The following RIT2 variants were observed in gnomAD, a reference collection of about 807,000 sequenced individuals.
The protein encoded by RIT2 is GTP-binding protein Rit2.
In RIT2, 24 loss-of-function variants were observed where a neutral mutation model predicts 23.7. The ratio of observed to expected loss-of-function variants is 1.01; its 90% CI spans 0.73 to 1.43. The LOEUF is 1.43. RIT2 is among the 40% of genes most tolerant of loss of function. RIT2 has a pLI of 0.00. For missense variants in RIT2, 236 were observed against 266.9 expected (o/e 0.88, Z 0.81); for synonymous variants, 107 against 91.1 (o/e 1.17, Z -0.99).
chr18:42,871,061 T>G (rs1907611060), intron 4 of RIT2, among the ~76,000 whole-genome samples: 1 of 152,220 alleles, frequency 6.6e-6, no homozygotes, highest in African/African-American at 2.4e-5. Flanking sequence ...ACCTACATCG[T>G]GCACTGGGCC....
At chr18:42,877,873 G>T (rs1422909956) in intron 4 of RIT2, among the ~76,000 whole-genome samples, 1 of 151,652 alleles carries the variant, frequency 6.6e-6, no homozygotes, top group Non-Finnish European at 1.5e-5. Flanking sequence ...ATAAATTTTG[G>T]AAATGTATAT....
At chr18:42,809,541 A>C (rs897815210) in intron 4 of RIT2, among the ~76,000 whole-genome samples, 34 of 151,978 alleles carry the variant, frequency 2.2e-4, no homozygotes, top group African/African-American at 8.0e-4. Flanking sequence ...TTCCCATCTC[A>C]CCTGTATGAG....
At chr18:42,851,260 C>T (rs2144036333) in intron 4 of RIT2, among the ~76,000 whole-genome samples, 1 of 152,284 alleles carries the variant, frequency 6.6e-6, no homozygotes, top group South Asian at 2.1e-4. Flanking sequence ...GTGTGCTTAT[C>T]ATTTTAAATG....
chr18:42,867,161 C>A (rs559223450), intron 4 of RIT2, among the ~76,000 whole-genome samples: 10 of 152,192 alleles, frequency 6.6e-5, no homozygotes, highest in Admixed American at 2.0e-4. Context: ...GTCAACTCTA[C>A]TAACATGAGA....
At chr18:43,052,391 A>G (rs1912404431) in intron 1 of RIT2, among the ~76,000 whole-genome samples, 1 of 152,108 alleles carries the variant, frequency 6.6e-6, no homozygotes, top group African/African-American at 2.4e-5. Context: ...ATCCAAGGCA[A>G]TTTGTAGGAT....
chr18:42,913,304 A>T lies in RIT2; in HGVS notation c.426+10268T>A, dbSNP rs1014336883. On this transcript the variant is annotated intron_variant, in intron 4 of 4. Transcript: ENST00000326695. Reference sequence around the variant, plus strand: ...TTAGAAAAGAACATAAAAGAAACTCATGGGTACCTACGACTGACTAGGCAG... The same window carrying T: ...TTAGAAAAGAACATAAAAGAAACTCTTGGGTACCTACGACTGACTAGGCAG... 4.6e-5 allele frequency among the ~76,000 whole-genome samples: 7 copies of T among 151,960 alleles called. No individual in the cohort carries two copies. The South Asian group carries it at 1.5e-3, about 31-fold the overall frequency.
chr18:42,805,287 A>G (rs1169175046), intron 4 of RIT2, among the ~76,000 whole-genome samples: 6 of 152,326 alleles, frequency 3.9e-5, no homozygotes, highest in South Asian at 4.1e-4. Flanking sequence ...TTCAAATCTC[A>G]TTAATATCTG....
chr18:42,951,662 A>G (rs1568038228), intron 3 of RIT2, among the ~76,000 whole-genome samples: 2 of 152,126 alleles, frequency 1.3e-5, no homozygotes, highest in Admixed American at 1.3e-4. Context: ...AACCAATTGA[A>G]TTGAAATCAG....
At chr18:42,822,743 C>A (rs1906188198) in intron 4 of RIT2, among the ~76,000 whole-genome samples, 1 of 152,068 alleles carries the variant, frequency 6.6e-6, no homozygotes, top group Non-Finnish European at 1.5e-5. Flanking sequence ...GACACCATGT[C>A]TTTGAAACCA....
At chr18:43,077,938 C>A (rs55901120) in intron 1 of RIT2, among the ~76,000 whole-genome samples, 4,492 of 152,194 alleles carry the variant, frequency 0.03, 99 homozygotes, top group Non-Finnish European at 0.05. Context: ...ACTTCTCTTC[C>A]GCTAATTCAG....
intron 3 of RIT2, among the ~76,000 whole-genome samples, chr18:42,931,433 C>A (rs1909321950): frequency 6.6e-6 from 1 of 152,006 alleles, no homozygotes; most frequent in South Asian, 2.1e-4. Flanking sequence ...AGTTAATGTT[C>A]CTTATTTCAT....
intron 2 of RIT2, among the ~76,000 whole-genome samples, chr18:42,975,693 T>G (rs890094680): frequency 6.6e-6 from 1 of 152,092 alleles, no homozygotes; most frequent in Non-Finnish European, 1.5e-5. Flanking sequence ...GCCTGCCTTC[T>G]GAAAATCTTC....
chr18:42,822,424 G>T (rs938470235), intron 4 of RIT2, among the ~76,000 whole-genome samples: 1 of 152,048 alleles, frequency 6.6e-6, no homozygotes, highest in South Asian at 2.1e-4. Context: ...TGTTGGCGAC[G>T]GTTGATCATG....
chr18:43,063,905 T>G (rs531857406), intron 1 of RIT2, among the ~76,000 whole-genome samples: 10 of 152,288 alleles, frequency 6.6e-5, no homozygotes, highest in Admixed American at 1.3e-4. Context: ...CTCATCCAGA[T>G]GACAACTCCT....
intron 4 of RIT2, among the ~76,000 whole-genome samples, chr18:42,823,997 A>G (rs558974345): frequency 1.3e-5 from 2 of 152,234 alleles, no homozygotes; most frequent in Non-Finnish European, 2.9e-5. Flanking sequence ...ATCTTTTCAA[A>G]TGAAGACTTT....
intron 4 of RIT2, among the ~76,000 whole-genome samples, chr18:42,764,318 T>C (rs1275429479): frequency 6.6e-6 from 1 of 152,172 alleles, no homozygotes; most frequent in Non-Finnish European, 1.5e-5. Context: ...CTTAAATTTG[T>C]TTTTCTTTGC....
At chr18:42,834,573 A>G (rs530818789) in intron 4 of RIT2, among the ~76,000 whole-genome samples, 2 of 152,234 alleles carry the variant, frequency 1.3e-5, no homozygotes, top group African/African-American at 4.8e-5. Flanking sequence ...ACACACATAC[A>G]CACATACTTC....
chr18:42,778,658 C>T (rs1392469221), intron 4 of RIT2, among the ~76,000 whole-genome samples: 3 of 148,680 alleles, frequency 2.0e-5, no homozygotes, highest in African/African-American at 7.3e-5. Context: ...CCATTACCAG[C>T]TCTATTACCC....
At chr18:42,815,039 C>G (rs1313241710) in intron 4 of RIT2, among the ~76,000 whole-genome samples, 6 of 152,148 alleles carry the variant, frequency 3.9e-5, no homozygotes, top group Non-Finnish European at 7.3e-5. Context: ...CAGCCCTAGA[C>G]CGTTTCTCTG....
Sources: allele counts gnomAD v4.1 joint callset (sites outside exome capture counted in the v4.1 genomes callset), GRCh38; gene constraint gnomAD v4.1.1; transcripts MANE v1.5; gene names NCBI Gene and HGNC (gene_info 2026-07-23, HGNC 2026-07-21).